Variants in VPS13B observed in about 807,000 individuals in gnomAD.
VPS13B encodes intermembrane lipid transfer protein VPS13B.
VPS13B carries 285 observed loss-of-function variants against 426.4 expected under a neutral mutation model. The observed-to-expected ratio is 0.67, with a 90% CI of 0.61 to 0.74. VPS13B has a LOEUF of 0.74. VPS13B is among the 30% of genes least tolerant of loss of function. VPS13B has a pLI of 0.00. For missense variants in VPS13B, 4,537 were observed against 4,782.6 expected (o/e 0.95, Z 1.51); for synonymous variants, 1,676 against 1,676.4 (o/e 1.00, Z 0.01).
intron 7 of VPS13B, among the ~76,000 whole-genome samples, chr8:99,116,760 A>AGT (rs1847679706): frequency 1.3e-5 from 2 of 152,214 alleles, no homozygotes; most frequent in African/African-American, 4.8e-5. Flanking sequence ...TAAAAGTTGA[A>AGT]GTAGTATACC....
At chr8:99,391,791 C>A in intron 21 of VPS13B, 87 bp downstream of exon 21, 1 of 1,501,100 alleles carries the variant, frequency 6.7e-7, no homozygotes, top group Non-Finnish European at 9.1e-7. Flanking sequence ...GGATGCTGGC[C>A]AAAGACATGA....
chr8:99,800,293 A>G (rs1165649298), intron 43 of VPS13B, among the ~76,000 whole-genome samples: 1 of 152,186 alleles, frequency 6.6e-6, no homozygotes, highest in Admixed American at 6.5e-5. Flanking sequence ...AAGGACTGTC[A>G]CACAATTCTA....
intron 2 of VPS13B, among the ~76,000 whole-genome samples, chr8:99,030,408 A>T (rs2132190640): frequency 6.6e-6 from 1 of 151,522 alleles, no homozygotes. Context: ...CTTCCCAAAG[A>T]TGTGAATGTT....
At chr8:99,861,643 A>G in intron 57 of VPS13B, 133 bp from the exon 58 acceptor site, 1 of 1,187,798 alleles carries the variant, frequency 8.4e-7, no homozygotes, top group East Asian at 2.6e-5. Flanking sequence ...ATTGCCTGAG[A>G]GGGAGCCACC....
chr8:99,762,454 A>C (rs935273108), intron 39 of VPS13B, among the ~76,000 whole-genome samples: 2 of 152,204 alleles, frequency 1.3e-5, no homozygotes, highest in Non-Finnish European at 2.9e-5. Context: ...GTAGTTAAGC[A>C]ATGATATATT....
intron 19 of VPS13B, among the ~76,000 whole-genome samples, chr8:99,333,893 C>T (rs1233314809): frequency 4.0e-5 from 6 of 151,860 alleles, no homozygotes; most frequent in African/African-American, 7.2e-5. Flanking sequence ...TTGTGTATAT[C>T]GGTAGTTTAT....
At chr8:99,670,063 T>C (rs1350334682) in intron 35 of VPS13B, among the ~76,000 whole-genome samples, 1 of 152,080 alleles carries the variant, frequency 6.6e-6, no homozygotes, top group Non-Finnish European at 1.5e-5. Context: ...AATTTTAAGT[T>C]GTTTACCCCC....
chr8:99,864,128 A>C (rs953735604), intron 58 of VPS13B, among the ~76,000 whole-genome samples: 3 of 152,370 alleles, frequency 2.0e-5, no homozygotes, highest in African/African-American at 7.2e-5. Flanking sequence ...GGAGTACAGC[A>C]AACTGAAATC....
chr8:99,053,121 A>G (rs1357721089), intron 3 of VPS13B, among the ~76,000 whole-genome samples: 2 of 150,868 alleles, frequency 1.3e-5, no homozygotes, highest in Middle Eastern at 3.4e-3. Flanking sequence ...TAATTTTTTA[A>G]TTATTTAATT....
intron 3 of VPS13B, among the ~76,000 whole-genome samples, chr8:99,051,329 C>G (rs1843540655): frequency 6.6e-6 from 1 of 152,170 alleles, no homozygotes; most frequent in African/African-American, 2.4e-5. Flanking sequence ...TGTCAAAGGT[C>G]AGATGATTGT....
chr8:99,869,738 G>A (rs149526722), intron 59 of VPS13B, among the ~76,000 whole-genome samples: 102 of 152,328 alleles, frequency 6.7e-4, no homozygotes, highest in African/African-American at 2.4e-3. Flanking sequence ...TTATGTAAGA[G>A]GATCTTAGAG....
At chr8:99,308,533 G>T (rs372167729) in intron 19 of VPS13B, among the ~76,000 whole-genome samples, 5,113 of 152,054 alleles carry the variant, frequency 0.034, 128 homozygotes, top group Non-Finnish European at 0.049. Context: ...GGCTGCATAG[G>T]ATTCCATGGT....
intron 30 of VPS13B, among the ~76,000 whole-genome samples, chr8:99,543,857 T>A (rs183010795): frequency 1.4e-5 from 2 of 145,700 alleles, no homozygotes; most frequent in Admixed American, 7.0e-5. Context: ...ACTTTTACAC[T>A]GTTGGTGGGA....
intron 33 of VPS13B, among the ~76,000 whole-genome samples, chr8:99,578,780 T>A (rs1252700781): frequency 2.0e-5 from 3 of 152,202 alleles, no homozygotes; most frequent in Non-Finnish European, 4.4e-5. Context: ...ATTTTATAAA[T>A]GTCTCCTGTC....
At chr8:99,713,638 T>G (rs1325617088) in intron 36 of VPS13B, among the ~76,000 whole-genome samples, 2 of 152,176 alleles carry the variant, frequency 1.3e-5, no homozygotes, top group African/African-American at 4.8e-5. Flanking sequence ...TACATATACT[T>G]CTTATCTCTG....
chr8:99,125,962 ATGTT>A (rs1258942922), intron 8 of VPS13B, among the ~76,000 whole-genome samples: 12 of 151,666 alleles, frequency 7.9e-5, no homozygotes, highest in African/African-American at 1.7e-4. Flanking sequence ...TAATTACAGC[ATGTT>A]TGTTTGGTGA....
At chr8:99,720,763 C>A in intron 38 of VPS13B, 100 bp from the exon 39 acceptor site, 7 of 1,263,276 alleles carry the variant, frequency 5.5e-6, no homozygotes, top group Non-Finnish European at 7.8e-6. Flanking sequence ...CAACTAGCTT[C>A]TTTATATCTT....
intron 5 of VPS13B, among the ~76,000 whole-genome samples, chr8:99,105,294 A>T (rs569578937): frequency 6.6e-6 from 1 of 152,360 alleles, no homozygotes; most frequent in East Asian, 1.9e-4. Flanking sequence ...AGAAGCAGCT[A>T]TGGAAAATAG....
chr8:99,173,490 A>G (rs1812468375), intron 16 of VPS13B, among the ~76,000 whole-genome samples: 1 of 152,184 alleles, frequency 6.6e-6, no homozygotes, highest in Non-Finnish European at 1.5e-5. Flanking sequence ...TGTTCTTCGT[A>G]ATACCACAGT....
Sources: allele counts gnomAD v4.1 joint callset (sites outside exome capture counted in the v4.1 genomes callset), GRCh38; gene constraint gnomAD v4.1.1; transcripts MANE v1.5; gene names NCBI Gene and HGNC (gene_info 2026-07-23, HGNC 2026-07-21).